Variants in TENM2 observed in about 807,000 individuals in gnomAD.
The protein encoded by TENM2 is teneurin-2.
In TENM2, 52 loss-of-function variants were observed where a neutral mutation model predicts 245.2. The observed-to-expected ratio is 0.21, with a 90% CI of 0.17 to 0.27. TENM2 has a LOEUF of 0.27. TENM2 is among the 10% of genes least tolerant of loss of function. TENM2 has a pLI of 1.00. For synonymous variants in TENM2, 1,363 were observed against 1,438.9 expected (o/e 0.95, Z 1.19); for missense variants, 3,046 against 3,666.8 (o/e 0.83, Z 4.37).
Position 167,571,761 on chromosome 5 carries a change from G to C in TENM2, c.502+196288G>C, listed in dbSNP as rs186398218. On this transcript the variant is annotated intron_variant, in intron 2 of 28. Coordinates refer to ENST00000518659, the Ensembl canonical transcript of TENM2. The stretch of plus-strand genomic sequence containing the variant: ...CTGTTTTTATTGTGCTGAAATAGTT[G>C]CGTGCTGAAATAGTTGCATCCTTGT... Among the ~76,000 whole-genome samples, 4 of 152,256 alleles carry C rather than the reference G, an allele frequency of 2.6e-5. No homozygotes were observed. In the South Asian group the frequency reaches 8.3e-4, roughly 32 times the overall value.
intron 12 of TENM2, among the ~76,000 whole-genome samples, chr5:168,155,943 G>T (rs946334032): frequency 2.1e-5 from 3 of 140,468 alleles, no homozygotes; most frequent in Non-Finnish European, 4.6e-5. Context: ...ACGGTCTTGT[G>T]ACCATCCCTA....
At chr5:167,520,822 T>C (rs929032752) in intron 2 of TENM2, among the ~76,000 whole-genome samples, 19 of 151,788 alleles carry the variant, frequency 1.3e-4, no homozygotes, top group Non-Finnish European at 2.2e-4. Flanking sequence ...CTTCTCTCAA[T>C]TGGGCCTTTC....
At chr5:167,640,876 T>TATATATATCC (rs1779540379) in intron 2 of TENM2, among the ~76,000 whole-genome samples, 5 of 56,356 alleles carry the variant, frequency 8.9e-5, no homozygotes, top group Non-Finnish European at 1.5e-4. Context: ...TATATATATA[T>TATATATATCC]ATATATATAT....
intron 2 of TENM2, among the ~76,000 whole-genome samples, chr5:167,627,452 A>G (rs1360059694): frequency 6.6e-6 from 1 of 152,188 alleles, no homozygotes; most frequent in Non-Finnish European, 1.5e-5. Flanking sequence ...CATTTTCCCA[A>G]TAACCTCAAG....
At chr5:168,011,323 A>G (rs983167627) in intron 5 of TENM2, among the ~76,000 whole-genome samples, 2 of 152,270 alleles carry the variant, frequency 1.3e-5, no homozygotes, top group African/African-American at 2.4e-5. Context: ...GCGCCCTCAC[A>G]TCAGCCCTGA....
rs575399492 is a variant in TENM2 at position 167,846,483 on chromosome 5, G to T, written c.503-29503G>T. 5.3e-5 allele frequency among the ~76,000 whole-genome samples: 8 copies of T among 152,334 alleles called. No individual in the cohort carries two copies. In the East Asian group the frequency reaches 1.5e-3, roughly 29 times the overall value. ...TCTGGCCATCAGCAGCATGCGGATTGCTAGAAAATGTTTATCCCCAGGAAG... is the reference window on the plus strand; with the variant it reads ...TCTGGCCATCAGCAGCATGCGGATTTCTAGAAAATGTTTATCCCCAGGAAG... On this transcript the variant is annotated intron_variant, in intron 2 of 28. Transcript: ENST00000518659.
In TENM2 at chr5:167,415,518, C is replaced by T. The variant is rs77786681; in HGVS notation, c.502+40045C>T. On this transcript the variant is annotated intron_variant, in intron 2 of 28. Transcript: ENST00000518659. ...AATTTAATAAAATTAATTGTCCATT[C>T]TTGAATGGCTTACTTTGCAGTTAAT... 5.8e-3 allele frequency among the ~76,000 whole-genome samples: 876 copies of T among 152,184 alleles called. 10 individuals carry two copies. Among genetic ancestry groups the T allele is most frequent in the African/African-American group, 0.02 (842 of 41,538 alleles).
At chr5:168,214,968 G>A in intron 20 of TENM2, 72 bp from the exon 23 acceptor site, 1 of 1,307,670 alleles carries the variant, frequency 7.6e-7, no homozygotes, top group Non-Finnish European at 1.1e-6. Flanking sequence ...TAGGATTTTT[G>A]TCATTCCTTT....
At chr5:167,319,586 A>C (rs528512321) in intron 1 of TENM2, among the ~76,000 whole-genome samples, 2 of 152,204 alleles carry the variant, frequency 1.3e-5, no homozygotes. Flanking sequence ...CTTATTGTAC[A>C]GTTGAAAAAC....
At chr5:168,104,212 A>G (rs997635928) in intron 9 of TENM2, among the ~76,000 whole-genome samples, 8 of 152,072 alleles carry the variant, frequency 5.3e-5, no homozygotes, top group Admixed American at 3.9e-4. Context: ...GATTTTTCAT[A>G]GAGACGAGGT....
At chr5:167,135,791 A>C in the TENM2 span, among the ~76,000 whole-genome samples, 1 of 152,106 alleles carries the variant, frequency 6.6e-6, no homozygotes, top group South Asian at 2.1e-4. Flanking sequence ...GCGAGACTCC[A>C]TCTCAAAAAA....
chr5:167,803,670 C>T (rs1053409830), intron 2 of TENM2, among the ~76,000 whole-genome samples: 1 of 151,998 alleles, frequency 6.6e-6, no homozygotes, highest in Admixed American at 6.6e-5. Flanking sequence ...AGACCTCATG[C>T]TCCTTTCCCT....
chr5:167,864,390 C>T (rs1772119266), intron 2 of TENM2, among the ~76,000 whole-genome samples: 1 of 152,074 alleles, frequency 6.6e-6, no homozygotes, highest in Non-Finnish European at 1.5e-5. Flanking sequence ...TATCTCTTAC[C>T]TTTTTTATGC....
At chr5:167,430,080 G>T (rs1764124442) in intron 2 of TENM2, among the ~76,000 whole-genome samples, 1 of 152,080 alleles carries the variant, frequency 6.6e-6, no homozygotes, top group Admixed American at 6.6e-5. Context: ...GAGTACAGGG[G>T]CAAAATCATC....
intron 2 of TENM2, among the ~76,000 whole-genome samples, chr5:167,419,462 A>T (rs1231864622): frequency 6.6e-6 from 1 of 152,174 alleles, no homozygotes; most frequent in Non-Finnish European, 1.5e-5. Flanking sequence ...CGTCGTCTCA[A>T]AGTAAATAAA....
chr5:168,238,221 GAA>G (rs1765719593), intron 25 of TENM2, among the ~76,000 whole-genome samples: 5 of 24,380 alleles, frequency 2.1e-4, no homozygotes, highest in African/African-American at 6.9e-4. Flanking sequence ...GAGGGAGAGA[GAA>G]GAAAAGAAAA....
chr5:167,274,323 G>C, the TENM2 span, among the ~76,000 whole-genome samples: 1 of 152,056 alleles, frequency 6.6e-6, no homozygotes, highest in Non-Finnish European at 1.5e-5. Context: ...TGATTGTTCT[G>C]TGTATCTCTA....
chr5:168,077,663 T>C (rs1421299305), intron 7 of TENM2, among the ~76,000 whole-genome samples: 2 of 152,012 alleles, frequency 1.3e-5, no homozygotes, highest in African/African-American at 4.8e-5. Flanking sequence ...CATCTATGAG[T>C]GAGAACATAT....
the TENM2 span, among the ~76,000 whole-genome samples, chr5:167,053,313 A>AG: frequency 5.3e-5 from 8 of 152,252 alleles, no homozygotes; most frequent in African/African-American, 1.9e-4. Context: ...TTAACTCCTT[A>AG]TTAACTAAGT....
Sources: allele counts gnomAD v4.1 joint callset (sites outside exome capture counted in the v4.1 genomes callset), GRCh38; gene constraint gnomAD v4.1.1; transcripts MANE v1.5; gene names NCBI Gene and HGNC (gene_info 2026-07-23, HGNC 2026-07-21).